Variants in KCNIP4 observed in about 807,000 individuals in gnomAD.
The protein encoded by KCNIP4 is Kv channel-interacting protein 4.
In KCNIP4, 12 loss-of-function variants were observed where a neutral mutation model predicts 34.0. The ratio of observed to expected loss-of-function variants is 0.35; its 90% confidence interval spans 0.23 to 0.57. The LOEUF is 0.57. KCNIP4 is among the 20% of genes least tolerant of loss of function. The pLI, the probability that KCNIP4 is intolerant of heterozygous loss-of-function variation, is 0.83. For synonymous variants in KCNIP4, 124 were observed against 102.2 expected (o/e 1.21, Z -1.29); for missense variants, 238 against 311.7 (o/e 0.76, Z 1.78).
In KCNIP4 at chr4:21,830,513, T is replaced by C. The variant is rs976964946; in HGVS notation, c.61+118058A>G. The stretch of plus-strand genomic sequence containing the variant: ...CAACACAATGAAACCCCGTTTCTAC[T>C]AAACACAATACAAAAATTCGCCGGG... On this transcript the variant is annotated intron_variant, in intron 1 of 8. Coordinates refer to ENST00000382152, the MANE Select transcript of KCNIP4 (RefSeq NM_025221.6). Among the ~76,000 whole-genome samples, 7 of 152,006 alleles carry C rather than the reference T, an allele frequency of 4.6e-5. 1 individual carries two copies. In the South Asian group the frequency reaches 6.2e-4, roughly 14 times the overall value.
chr4:21,030,483 C>T (rs1473014135), intron 1 of KCNIP4, among the ~76,000 whole-genome samples: 1 of 152,102 alleles, frequency 6.6e-6, no homozygotes, highest in African/African-American at 2.4e-5. Context: ...CATCCCAAAA[C>T]CATCCGCTGC....
At chr4:20,904,424 C>A (rs1430381519) in intron 1 of KCNIP4, among the ~76,000 whole-genome samples, 3 of 151,180 alleles carry the variant, frequency 2.0e-5, no homozygotes, top group African/African-American at 7.3e-5. Context: ...AATCATTTGT[C>A]AATTTTGCCT....
intron 1 of KCNIP4, among the ~76,000 whole-genome samples, chr4:21,932,528 T>C (rs918689754): frequency 2.0e-5 from 3 of 152,126 alleles, no homozygotes; most frequent in African/African-American, 7.2e-5. Flanking sequence ...CTGGTTTGTT[T>C]TAGGCTTTAA....
chr4:21,805,293 T>C (rs1023223074), intron 1 of KCNIP4, among the ~76,000 whole-genome samples: 3 of 152,198 alleles, frequency 2.0e-5, no homozygotes, highest in African/African-American at 7.2e-5. Flanking sequence ...AAATCTCATC[T>C]TGACTTGTAC....
At chr4:21,685,570 C>G (rs149614352) in intron 1 of KCNIP4, among the ~76,000 whole-genome samples, 1 of 152,114 alleles carries the variant, frequency 6.6e-6, no homozygotes, top group Non-Finnish European at 1.5e-5. Context: ...ATAATCAGTA[C>G]GTGGACCAAT....
intron 1 of KCNIP4, among the ~76,000 whole-genome samples, chr4:21,508,532 G>C (rs1401418483): frequency 6.6e-6 from 1 of 152,198 alleles, no homozygotes; most frequent in African/African-American, 2.4e-5. Flanking sequence ...ATATAACTCA[G>C]ATTTTGCTCA....
intron 1 of KCNIP4, among the ~76,000 whole-genome samples, chr4:21,327,831 T>C (rs1578083694): frequency 1.3e-5 from 2 of 152,136 alleles, no homozygotes; most frequent in East Asian, 3.9e-4. Context: ...AATTCTGCTG[T>C]TAAGAAAGTC....
chr4:21,049,013 C>A (rs1474297295), intron 1 of KCNIP4, among the ~76,000 whole-genome samples: 1 of 142,756 alleles, frequency 7.0e-6, no homozygotes, highest in African/African-American at 2.6e-5. Context: ...TGCAGTGGCG[C>A]GATCTCGGCT....
rs1485371893 is a variant in KCNIP4 at position 20,729,889 on chromosome 4, A to ATTATGAAAAGGATGCAAATTTATAACT, written c.*166_*192dup. 1.9e-6 allele frequency: 1 copy of ATTATGAAAAGGATGCAAATTTATAACT among 518,088 alleles called. No individual in the cohort carries two copies. The allele number at this position is 518,088 out of a possible 1,614,324, so 32.1% of individuals were successfully genotyped here. The stretch of plus-strand genomic sequence containing the variant: ...TAGACCATCCCCTGAACTCAGTGGC[A>ATTATGAAAAGGATGCAAATTTATAACT]TTATGAAAAGGATGCAAATTTATAA... On this transcript the variant is annotated 3_prime_UTR_variant, in exon 9 of 9. Transcript: ENST00000382152.
At chr4:21,685,700 C>A (rs1044225404) in intron 1 of KCNIP4, among the ~76,000 whole-genome samples, 1 of 152,176 alleles carries the variant, frequency 6.6e-6, no homozygotes, top group Non-Finnish European at 1.5e-5. Context: ...TGTCTATGAT[C>A]CAAGAATATA....
At chr4:21,139,620 C>T (rs1169188597) in intron 1 of KCNIP4, among the ~76,000 whole-genome samples, 1 of 152,168 alleles carries the variant, frequency 6.6e-6, no homozygotes, top group Non-Finnish European at 1.5e-5. Flanking sequence ...CATCTCGACT[C>T]AACTCAGGAC....
rs1755369271 is a variant in KCNIP4 at position 21,188,044 on chromosome 4, AACTTTT to A, written c.62-305341_62-305336del. On this transcript the variant is annotated intron_variant, in intron 1 of 8. Transcript: ENST00000382152. ...GGTAGATGTGACAGTAATATGAGAA[AACTTTT>A]ACAAATCATGTAGCACATAGTCAAC... 3.9e-5 allele frequency among the ~76,000 whole-genome samples: 6 copies of A among 152,322 alleles called. No homozygotes were observed. The South Asian group carries it at 1.2e-3, about 32-fold the overall frequency.
At chr4:21,440,041 A>G (rs1032267803) in intron 1 of KCNIP4, among the ~76,000 whole-genome samples, 2 of 152,246 alleles carry the variant, frequency 1.3e-5, no homozygotes, top group African/African-American at 4.8e-5. Context: ...TTAAAAACCC[A>G]GTGAACTTGC....
At chr4:20,909,452 A>G (rs1036387790) in intron 1 of KCNIP4, among the ~76,000 whole-genome samples, 1 of 152,154 alleles carries the variant, frequency 6.6e-6, no homozygotes. Flanking sequence ...TATAACACAC[A>G]CAACTGTCGA....
chr4:21,769,917 C>T (rs967765495), intron 1 of KCNIP4, among the ~76,000 whole-genome samples: 2 of 152,078 alleles, frequency 1.3e-5, no homozygotes, highest in Admixed American at 6.6e-5. Context: ...TGTGAGGTTA[C>T]TAAAATGAGA....
At chr4:21,810,192 T>C (rs1721543871) in intron 1 of KCNIP4, among the ~76,000 whole-genome samples, 1 of 152,168 alleles carries the variant, frequency 6.6e-6, no homozygotes, top group African/African-American at 2.4e-5. Context: ...AAAAGAATCA[T>C]TTAATACCAC....
At chr4:21,350,960 A>C (rs1214931295) in intron 1 of KCNIP4, among the ~76,000 whole-genome samples, 3 of 152,212 alleles carry the variant, frequency 2.0e-5, no homozygotes, top group Non-Finnish European at 4.4e-5. Flanking sequence ...AGTTACTGAG[A>C]AATGGTACAT....
chr4:20,919,470 G>A (rs1377493430), intron 1 of KCNIP4, among the ~76,000 whole-genome samples: 4 of 151,666 alleles, frequency 2.6e-5, no homozygotes, highest in Non-Finnish European at 4.4e-5. Context: ...TCGGGAGGCC[G>A]AGGCGGGCAG....
intron 1 of KCNIP4, among the ~76,000 whole-genome samples, chr4:21,574,102 G>C (rs1423325715): frequency 1.3e-5 from 2 of 152,208 alleles, no homozygotes; most frequent in Non-Finnish European, 2.9e-5. Flanking sequence ...TCTAACGACT[G>C]TAACAGAGTT....
Sources: gnomAD v4.1 joint callset for allele counts (sites outside exome capture counted in the v4.1 genomes callset) on GRCh38, gnomAD v4.1.1 for gene constraint, MANE v1.5 for transcripts, NCBI Gene and HGNC (gene_info 2026-07-23, HGNC 2026-07-21) for gene names.